Variants in STXBP6 observed in about 807,000 individuals in gnomAD.
STXBP6 encodes syntaxin-binding protein 6.
A neutral mutation model predicts 26.9 loss-of-function variants in STXBP6; 21 were observed. The ratio of observed to expected loss-of-function variants is 0.78; its 90% CI spans 0.55 to 1.12. The LOEUF is 1.12. STXBP6 is among the 50% of genes most tolerant of loss of function. The pLI is 0.00. For synonymous variants in STXBP6, 97 were observed against 92.6 expected, an observed-to-expected ratio of 1.05 and a Z score of -0.27; for missense variants, 232 against 257.9, an observed-to-expected ratio of 0.90 and a Z score of 0.69.
chr14:24,991,125 G>C (rs1320503646), intron 1 of STXBP6, among the ~76,000 whole-genome samples: 1 of 150,612 alleles, frequency 6.6e-6, no homozygotes, highest in Admixed American at 6.6e-5. Context: ...AGAAGGAGAT[G>C]AGTGAGAGAA....
At chr14:24,942,198 T>C (rs1264695103) in intron 2 of STXBP6, among the ~76,000 whole-genome samples, 2 of 152,086 alleles carry the variant, frequency 1.3e-5, no homozygotes, top group Non-Finnish European at 1.5e-5. Context: ...AAATCAACTT[T>C]TTCTAACAGG....
At chr14:24,889,026 C>A in intron 2 of STXBP6, among the ~76,000 whole-genome samples, 1 of 152,014 alleles carries the variant, frequency 6.6e-6, no homozygotes. Context: ...GGGAATCTCA[C>A]CTAGACAAGA....
intron 1 of STXBP6, among the ~76,000 whole-genome samples, chr14:24,987,265 C>CA (rs2074356559): frequency 8.0e-6 from 1 of 124,926 alleles, no homozygotes; most frequent in Admixed American, 7.2e-5. Flanking sequence ...TGGATGGTGA[C>CA]AAGAAGTTTT....
At chr14:24,926,109 T>G (rs74040727) in intron 2 of STXBP6, among the ~76,000 whole-genome samples, 4,072 of 152,302 alleles carry the variant, frequency 0.027, 180 homozygotes, top group African/African-American at 0.092. Context: ...TTTTATTTAA[T>G]TTTTGGCAAG....
intron 1 of STXBP6, among the ~76,000 whole-genome samples, chr14:25,046,859 T>C (rs1029298936): frequency 6.6e-6 from 1 of 152,210 alleles, no homozygotes; most frequent in African/African-American, 2.4e-5. Context: ...ACACTAATAC[T>C]GATCAGCTGC....
chr14:24,817,378 T>A (rs1227153505), intron 5 of STXBP6: 2 of 152,280 alleles, frequency 1.3e-5, no homozygotes, highest in African/African-American at 2.4e-5. Context: ...GTAACCTGGT[T>A]CATGGTTTAA....
intron 4 of STXBP6, among the ~76,000 whole-genome samples, chr14:24,838,266 C>T (rs961931803): frequency 2.6e-5 from 4 of 152,178 alleles, no homozygotes; most frequent in African/African-American, 7.2e-5. Context: ...CCAACTCGGC[C>T]TCCCAAAATG....
intron 1 of STXBP6, among the ~76,000 whole-genome samples, chr14:25,000,798 CAAG>C (rs1185097214): frequency 1.3e-5 from 2 of 150,808 alleles, no homozygotes; most frequent in Non-Finnish European, 3.0e-5. Context: ...TCAGAGAGGC[CAAG>C]AAGAATCCAG....
intron 2 of STXBP6, among the ~76,000 whole-genome samples, chr14:24,959,006 C>A (rs1189539376): frequency 6.6e-6 from 1 of 152,158 alleles, no homozygotes; most frequent in Non-Finnish European, 1.5e-5. Flanking sequence ...CATAATGCGT[C>A]TATCAACCCC....
chr14:24,882,196 G>A (rs1041862468), intron 2 of STXBP6, among the ~76,000 whole-genome samples: 5 of 150,482 alleles, frequency 3.3e-5, no homozygotes, highest in African/African-American at 1.2e-4. Flanking sequence ...CGGCTAAAAC[G>A]GTGAAACCCC....
At chr14:24,977,582 A>T (rs2074082489) in intron 1 of STXBP6, among the ~76,000 whole-genome samples, 1 of 152,202 alleles carries the variant, frequency 6.6e-6, no homozygotes, top group Non-Finnish European at 1.5e-5. Context: ...TATTAACTAC[A>T]ACATAGAGAT....
At chr14:24,926,761 T>G (rs750557851) in intron 2 of STXBP6, among the ~76,000 whole-genome samples, 3 of 152,190 alleles carry the variant, frequency 2.0e-5, no homozygotes, top group Non-Finnish European at 4.4e-5. Context: ...TAACTACGTG[T>G]GTGAACATGG....
intron 1 of STXBP6, among the ~76,000 whole-genome samples, chr14:25,014,263 G>A (rs1398086743): frequency 2.6e-4 from 39 of 151,566 alleles, no homozygotes; most frequent in Non-Finnish European, 1.5e-5. Context: ...GAGAGGCCGA[G>A]GCAGGTGGAT....
intron 2 of STXBP6, among the ~76,000 whole-genome samples, chr14:24,941,259 C>T (rs1209957003): frequency 6.6e-6 from 1 of 152,128 alleles, no homozygotes; most frequent in Non-Finnish European, 1.5e-5. Flanking sequence ...GTCCTACCAT[C>T]TAGTGGGAGA....
chr14:24,963,328 T>G (rs1363131521), intron 2 of STXBP6, among the ~76,000 whole-genome samples: 1 of 152,152 alleles, frequency 6.6e-6, no homozygotes, highest in African/African-American at 2.4e-5. Flanking sequence ...AACTTGGATC[T>G]CAAGGAATGA....
chr14:24,849,941 C>T (rs2069088984), intron 4 of STXBP6, among the ~76,000 whole-genome samples: 1 of 151,910 alleles, frequency 6.6e-6, no homozygotes, highest in African/African-American at 2.4e-5. Flanking sequence ...TCTAATGCAC[C>T]CCTGGTTGCA....
chr14:24,977,783 G>T (rs1378200675), intron 1 of STXBP6, among the ~76,000 whole-genome samples: 3 of 152,120 alleles, frequency 2.0e-5, no homozygotes, highest in Non-Finnish European at 4.4e-5. Context: ...TATACCAAAG[G>T]TATTTGTAAA....
chr14:24,903,488 G>C (rs183051223), intron 2 of STXBP6, among the ~76,000 whole-genome samples: 3 of 152,100 alleles, frequency 2.0e-5, no homozygotes, highest in East Asian at 3.9e-4. Context: ...TGTTCATCTT[G>C]ATTTTTTTAG....
chr14:24,985,218 G>A lies in STXBP6; in HGVS notation c.-32-10368C>T, dbSNP rs180725015. Among the ~76,000 whole-genome samples, 4 of 152,330 alleles carry A rather than the reference G, an allele frequency of 2.6e-5. No individual in the cohort carries two copies. In the East Asian group the frequency reaches 7.7e-4, roughly 29 times the overall value. On this transcript the variant is annotated intron_variant, in intron 1 of 5. Coordinates refer to ENST00000323944, the MANE Select transcript of STXBP6 (RefSeq NM_001394410.1). ...TTTGATTCTACAAATAAAAATGGGA[G>A]TTGACAATACATTAGCAGAGAGATT...
Sources: allele counts gnomAD v4.1 joint callset (sites outside exome capture counted in the v4.1 genomes callset), GRCh38; gene constraint gnomAD v4.1.1; transcripts MANE v1.5; gene names NCBI Gene and HGNC (gene_info 2026-07-23, HGNC 2026-07-21).